PLA2G4A: variants seen among roughly 807,000 people sequenced by gnomAD.
PLA2G4A encodes cytosolic phospholipase A2.
Under a neutral mutation model 81.9 loss-of-function variants are expected in PLA2G4A, and 40 were observed. That is an observed-to-expected ratio of 0.49 (90% CI 0.38 to 0.64). The LOEUF is 0.64. PLA2G4A is among the 30% of genes least tolerant of loss of function. The probability of loss-of-function intolerance (pLI) is 0.00; values close to 1 mark genes in which losing one functional copy is unlikely to be tolerated. For synonymous variants in PLA2G4A, 302 were observed against 296.9 expected (o/e 1.02, Z -0.18); for missense variants, 715 against 905.1 (o/e 0.79, Z 2.69).
intron 8 of PLA2G4A, among the ~76,000 whole-genome samples, chr1:186,937,041 T>A (rs867526671): frequency 4.6e-5 from 7 of 150,856 alleles, no homozygotes; most frequent in Admixed American, 3.3e-4. Flanking sequence ...TTTTTTTTTT[T>A]ATTTTTTGAG....
Position 186,932,769 on chromosome 1 carries a change from G to C in PLA2G4A, c.565G>C (p.Val189Leu), listed in dbSNP as rs778592173. The C allele has an allele frequency of 6.2e-7, 1 of 1,613,784 alleles. No individual in the cohort carries two copies. Among genetic ancestry groups the C allele is most frequent in the African/African-American group, 1.3e-5 (1 of 75,020 alleles). Residue 189 changes from valine to leucine, a missense_variant, in exon 8 of 18, where the codon GTG (valine) becomes CTG (leucine). Transcript: ENST00000367466. ...CTCTGTTGCATCGTTTCAGGTGCCT[G>C]TGGTAGCCATATTGGGTTCAGGTGG... ...EGLHSARDVP[V>L]VAILGSGGGF...
intron 2 of PLA2G4A, among the ~76,000 whole-genome samples, chr1:186,857,144 T>A (rs12071785): frequency 2.8e-5 from 1 of 36,288 alleles, no homozygotes; most frequent in Non-Finnish European, 4.2e-5. Context: ...ATTATATAAT[T>A]ATATAATTAC....
At chr1:186,870,764 C>G (rs1334183796) in intron 3 of PLA2G4A, 1 of 1,518,708 alleles carries the variant, frequency 6.6e-7, no homozygotes, top group Admixed American at 1.9e-5. Context: ...CCCTTATTTT[C>G]TTTGCTGTTA....
intron 5 of PLA2G4A, among the ~76,000 whole-genome samples, chr1:186,904,025 A>G (rs1261293007): frequency 6.6e-6 from 1 of 152,198 alleles, no homozygotes; most frequent in East Asian, 1.9e-4. Context: ...GAGAGTTTTC[A>G]AGATAATTAG....
chr1:186,880,728 G>T (rs12720522), intron 3 of PLA2G4A, among the ~76,000 whole-genome samples: 2 of 151,650 alleles, frequency 1.3e-5, no homozygotes, highest in African/African-American at 4.8e-5. Flanking sequence ...GTTTTATCAC[G>T]GTATATAAGA....
chr1:186,873,179 C>A (rs535349408), intron 3 of PLA2G4A, among the ~76,000 whole-genome samples: 1 of 152,034 alleles, frequency 6.6e-6, no homozygotes, highest in African/African-American at 2.4e-5. Flanking sequence ...GTGCCAACCA[C>A]TTTATTTTTG....
chr1:186,875,467 C>T (rs1482478179), intron 3 of PLA2G4A, among the ~76,000 whole-genome samples: 1 of 151,934 alleles, frequency 6.6e-6, no homozygotes, highest in Non-Finnish European at 1.5e-5. Context: ...TACCAGATTA[C>T]AAGCCATGAG....
chr1:186,844,776 T>A (rs1652111501), intron 1 of PLA2G4A, among the ~76,000 whole-genome samples: 1 of 152,178 alleles, frequency 6.6e-6, no homozygotes, highest in Admixed American at 6.5e-5. Flanking sequence ...CCCTAAAACT[T>A]AAAGTATAAT....
intron 5 of PLA2G4A, among the ~76,000 whole-genome samples, chr1:186,904,311 T>C (rs1654657816): frequency 6.6e-6 from 1 of 152,208 alleles, no homozygotes; most frequent in African/African-American, 2.4e-5. Context: ...GAAGAGGTGA[T>C]CATTCTTCTT....
chr1:186,968,095 G>A (rs1357497808), intron 15 of PLA2G4A, among the ~76,000 whole-genome samples: 3 of 152,104 alleles, frequency 2.0e-5, no homozygotes, highest in African/African-American at 4.8e-5. Flanking sequence ...TTAGAAGCTG[G>A]TCTAGTGGTG....
At chr1:186,965,651 G>T (rs1657103832) in intron 15 of PLA2G4A, 58 bp downstream of exon 15, 10 of 1,193,174 alleles carry the variant, frequency 8.4e-6, no homozygotes, top group Middle Eastern at 2.0e-4. Context: ...TTGCCTTATA[G>T]ATCTCTTAGT....
chr1:186,857,152 TACATA>T (rs1652599151), intron 2 of PLA2G4A, among the ~76,000 whole-genome samples: 29 of 42,562 alleles, frequency 6.8e-4, no homozygotes, highest in African/African-American at 4.4e-3. Context: ...ATTATATAAT[TACATA>T]ATATAATATA....
rs529513345 is a variant in PLA2G4A, at chr1:186,948,813, C to A, written c.1265-1844C>A. 3.3e-5 allele frequency among the ~76,000 whole-genome samples: 5 copies of A among 152,152 alleles called. No homozygotes were observed. In the South Asian group the frequency reaches 1.0e-3, roughly 32 times the overall value. On this transcript the variant is annotated intron_variant, in intron 12 of 17. Transcript: ENST00000367466. ...TGTGTGTCAGACTGAGGGGGAATAT[C>A]GTGTATGTGTGATCCGCCAGTCAGC...
chr1:186,863,687 T>C (rs920772068), intron 2 of PLA2G4A, among the ~76,000 whole-genome samples: 32 of 152,120 alleles, frequency 2.1e-4, no homozygotes, highest in Non-Finnish European at 4.0e-4. Flanking sequence ...ACTCTCTACT[T>C]CTATGGCATC....
chr1:186,933,539 G>T (rs916996186), intron 8 of PLA2G4A, among the ~76,000 whole-genome samples: 1 of 151,884 alleles, frequency 6.6e-6, no homozygotes, highest in Admixed American at 6.6e-5. Context: ...ATACTTTTTG[G>T]TTTGCTTACC....
chr1:186,925,127 T>C (rs1287952474), intron 7 of PLA2G4A, among the ~76,000 whole-genome samples: 1 of 152,156 alleles, frequency 6.6e-6, no homozygotes, highest in Admixed American at 6.5e-5. Context: ...TTCACATGTG[T>C]ATCAACAACT....
chr1:186,983,910 T>A (rs1657809902), intron 17 of PLA2G4A, among the ~76,000 whole-genome samples: 1 of 152,148 alleles, frequency 6.6e-6, no homozygotes, highest in Admixed American at 6.5e-5. Context: ...ATGGTATATA[T>A]CATGTAGGAT....
At chr1:186,860,211 T>TATTA in intron 2 of PLA2G4A, among the ~76,000 whole-genome samples, 1 of 152,174 alleles carries the variant, frequency 6.6e-6, no homozygotes, top group Non-Finnish European at 1.5e-5. Context: ...GATATTAATT[T>TATTA]ATTAATTTAT....
chr1:186,907,147 C>G lies in PLA2G4A; in HGVS notation c.416+145C>G, dbSNP rs1571388249. On this transcript the variant is annotated intron_variant, in intron 6 of 17. Coordinates refer to ENST00000367466, the MANE Select transcript of PLA2G4A (RefSeq NM_024420.3). Reference sequence around the variant, plus strand: ...GTTTACTTTGCTTTTCTTTAGTTGTCTGTTAATACCTACAAAATCTTTACA... The same window carrying G: ...GTTTACTTTGCTTTTCTTTAGTTGTGTGTTAATACCTACAAAATCTTTACA... The G allele has an allele frequency of 2.5e-5, 15 of 592,794 alleles. No homozygotes were observed. In the East Asian group the frequency reaches 4.0e-4, roughly 16 times the overall value. 36.7% of individuals were successfully genotyped at this position (592,794 alleles called of 1,614,324 possible). A position where few individuals can be genotyped will look rare whatever the true frequency, so the allele number is the denominator to read the frequency against.
Sources: allele counts gnomAD v4.1 joint callset (sites outside exome capture counted in the v4.1 genomes callset), GRCh38; gene constraint gnomAD v4.1.1; transcripts MANE v1.5; gene names NCBI Gene and HGNC (gene_info 2026-07-23, HGNC 2026-07-21).